The following NINJ2 variants were observed in gnomAD, a reference collection of about 807,000 sequenced individuals.
NINJ2 encodes the protein ninjurin-2.
In NINJ2, 12 loss-of-function variants were observed where a neutral mutation model predicts 11.7. The ratio of observed to expected loss-of-function variants is 1.02; its 90% CI spans 0.66 to 1.66. The LOEUF is 1.66. Among genes scored for constraint, NINJ2 ranks in the 40% most tolerant of loss-of-function variants. The pLI, the probability that NINJ2 is intolerant of heterozygous loss-of-function variation, is 0.00. For synonymous variants in NINJ2, 93 were observed against 76.8 expected (o/e 1.21, Z -1.10); for missense variants, 187 against 181.8 (o/e 1.03, Z -0.16).
At chr12:651,025 G>A (rs887255791) in intron 1 of NINJ2, among the ~76,000 whole-genome samples, 1 of 152,186 alleles carries the variant, frequency 6.6e-6, no homozygotes, top group Non-Finnish European at 1.5e-5. Flanking sequence ...CTGAACTGTA[G>A]TCAACAAACT....
chr12:587,995 C>T (rs566678196), intron 1 of NINJ2, among the ~76,000 whole-genome samples: 14 of 152,220 alleles, frequency 9.2e-5, no homozygotes, highest in African/African-American at 3.1e-4. Context: ...AGGGGACGAC[C>T]TACACAGGCC....
chr12:624,022 C>T (rs866484095), intron 1 of NINJ2, among the ~76,000 whole-genome samples: 5 of 152,160 alleles, frequency 3.3e-5, no homozygotes, highest in South Asian at 2.1e-4. Flanking sequence ...GGTGACAGAG[C>T]GAGACTCTGT....
At chr12:637,814 G>A (rs1199863992) in intron 1 of NINJ2, among the ~76,000 whole-genome samples, 2 of 152,126 alleles carry the variant, frequency 1.3e-5, no homozygotes, top group African/African-American at 4.8e-5. Context: ...GCTTACGGGT[G>A]GGGTAAAAGA....
intron 1 of NINJ2, among the ~76,000 whole-genome samples, chr12:618,690 G>A (rs1026443462): frequency 2.0e-5 from 3 of 152,224 alleles, no homozygotes; most frequent in African/African-American, 4.8e-5. Context: ...TTTGGATCAG[G>A]AGCCGAATTG....
chr12:610,695 A>T, intron 1 of NINJ2: 5 of 734,928 alleles, frequency 6.8e-6, no homozygotes, highest in Non-Finnish European at 8.3e-6. Context: ...GAACTGGGCT[A>T]TGACAAGGAC....
chr12:603,246 C>A (rs1175358345), intron 1 of NINJ2, among the ~76,000 whole-genome samples: 2 of 152,100 alleles, frequency 1.3e-5, no homozygotes, highest in Non-Finnish European at 2.9e-5. Context: ...TTATTCAGCT[C>A]ATTTGCCCTA....
chr12:646,118 C>T (rs1937675239), intron 1 of NINJ2, among the ~76,000 whole-genome samples: 2 of 152,228 alleles, frequency 1.3e-5, no homozygotes, highest in African/African-American at 4.8e-5. Flanking sequence ...ATTCTGGAAA[C>T]AGCACAGGCA....
intron 1 of NINJ2, among the ~76,000 whole-genome samples, chr12:573,568 GA>G (rs1321323041): frequency 6.6e-6 from 1 of 151,556 alleles, no homozygotes; most frequent in Non-Finnish European, 1.5e-5. Flanking sequence ...AACAGAGCAA[GA>G]GTCCATCTAA....
At chr12:643,499 C>G (rs1272597688) in intron 1 of NINJ2, 1 of 988,120 alleles carries the variant, frequency 1.0e-6, no homozygotes, top group Non-Finnish European at 1.2e-6. Flanking sequence ...GGCTTTGTCC[C>G]TGGAACTGTA....
At chr12:587,055 G>C (rs1290356985) in intron 1 of NINJ2, among the ~76,000 whole-genome samples, 1 of 152,226 alleles carries the variant, frequency 6.6e-6, no homozygotes, top group African/African-American at 2.4e-5. Context: ...AGGCCAAAGG[G>C]AAAGCGTAGG....
rs1055642549 is a variant in NINJ2, at chr12:585,170, C to T, written c.34-18992G>A. ...CTTCTTTTCGCTAAGGCTGCATTTC[C>T]ACCGCCATGAAATGGAGGCTGTCTC... is the stretch of plus-strand genomic sequence containing the variant. On this transcript the variant is annotated intron_variant, in intron 1 of 3. Coordinates refer to ENST00000305108, the MANE Select transcript of NINJ2 (RefSeq NM_016533.6). The surrounding 1 kb of genome is among the most constrained non-coding windows in gnomAD (Gnocchi z 4.1). 2.0e-5 allele frequency among the ~76,000 whole-genome samples: 3 copies of T among 152,250 alleles called. No individual in the cohort carries two copies. The highest frequency in any genetic ancestry group is 7.2e-5 in the African/African-American group (3 of 41,466).
rs74543342 is a variant in NINJ2, at chr12:642,100, G to A, written c.33+21228C>T. On this transcript the variant is annotated intron_variant, in intron 1 of 3. Coordinates refer to ENST00000305108, the MANE Select transcript of NINJ2 (RefSeq NM_016533.6). ...CCCGGTTGAGCCATTGACTAGCTGT[G>A]ACCTTGAGCACATTCACTTTCCTGA... Among the ~76,000 whole-genome samples, 1,245 of 152,302 alleles carry A rather than the reference G, an allele frequency of 8.2e-3. 21 individuals are homozygous for A. Among genetic ancestry groups the A allele is most frequent in the African/African-American group, 0.029 (1,186 of 41,570 alleles).
chr12:572,220 G>A (rs545759186), intron 1 of NINJ2, among the ~76,000 whole-genome samples: 9 of 152,324 alleles, frequency 5.9e-5, no homozygotes, highest in Non-Finnish European at 8.8e-5. Context: ...TGAGGACATC[G>A]CTGAGAGGCC....
intron 1 of NINJ2, among the ~76,000 whole-genome samples, chr12:630,185 G>A (rs1426120873): frequency 2.0e-5 from 3 of 151,808 alleles, no homozygotes; most frequent in African/African-American, 7.3e-5. Context: ...GAAATGCCCT[G>A]GGGACTGCCT....
chr12:565,361 G>C lies in NINJ2; in HGVS notation c.303C>G (p.Leu101=). 1 of 1,614,200 alleles carries C rather than the reference G, an allele frequency of 6.2e-7. No homozygotes were observed. The highest frequency in any genetic ancestry group is 8.5e-7 in the Non-Finnish European group (1 of 1,180,034). ...TGGTGGCTGCGTTGTTGAGCTGGTT[G>C]AGTCGCCACTGCTTTTCTACCTCAT... ...NLNEVEKQWR[L]NQLNNAATIL... Residue 101 remains leucine, a synonymous_variant, in exon 3 of 4, where the codon CTC becomes CTG. Transcript: ENST00000305108.
intron 1 of NINJ2, among the ~76,000 whole-genome samples, chr12:592,289 G>A (rs1947726588): frequency 6.6e-6 from 1 of 152,154 alleles, no homozygotes; most frequent in South Asian, 2.1e-4. Flanking sequence ...GGGAGTCATC[G>A]TCATTGCCGG....
rs189935321 is a variant in NINJ2 at position 589,355 on chromosome 12, T to C, written c.34-23177A>G. Among the ~76,000 whole-genome samples, 18 of 152,366 alleles carry C rather than the reference T, an allele frequency of 1.2e-4. 1 individual carries two copies. In the South Asian group the frequency reaches 3.3e-3, roughly 28 times the overall value. ...GGGGAGCAAGTCAGTAAGAACATGA[T>C]ATGATTCTATATTGGTAAAAATGAA... On this transcript the variant is annotated intron_variant, in intron 1 of 3. Transcript: ENST00000305108.
intron 1 of NINJ2, among the ~76,000 whole-genome samples, chr12:629,025 G>A (rs139089015): frequency 2.5e-4 from 38 of 152,224 alleles, no homozygotes; most frequent in African/African-American, 9.1e-4. Context: ...AGCCCTCAGG[G>A]TTGCTTTGCC....
rs1022856250 is a variant in NINJ2 at position 586,565 on chromosome 12, C to G, written c.34-20387G>C. 2 of 152,336 alleles carry G rather than the reference C, an allele frequency of 1.3e-5. 1 individual carries two copies. The highest frequency in any genetic ancestry group is 1.3e-4 in the Admixed American group (2 of 15,284). The allele number at this position is 152,336 out of a possible 1,614,324, so 9.4% of individuals were successfully genotyped here. Reference sequence around the variant, plus strand: ...GCTGCTTCTCCCTGGGCAGCGCACGCCCACTCAAAGGCATCCAACCTCAAA... The same window carrying G: ...GCTGCTTCTCCCTGGGCAGCGCACGGCCACTCAAAGGCATCCAACCTCAAA... On this transcript the variant is annotated intron_variant, in intron 1 of 3. Coordinates refer to ENST00000305108, the MANE Select transcript of NINJ2 (RefSeq NM_016533.6).
Sources: allele counts gnomAD v4.1 joint callset (sites outside exome capture counted in the v4.1 genomes callset), GRCh38; gene constraint gnomAD v4.1.1; non-coding constraint Gnocchi (gnomAD v3.1); transcripts MANE v1.5; gene names NCBI Gene and HGNC (gene_info 2026-07-23, HGNC 2026-07-21).